Variants in LRRK2 observed in about 807,000 individuals in gnomAD.
LRRK2 encodes leucine rich repeat kinase 2.
A neutral mutation model predicts 302.6 loss-of-function variants in LRRK2; 203 were observed. The ratio of observed to expected loss-of-function variants is 0.67; its 90% CI spans 0.60 to 0.75. The LOEUF is 0.75. Ranked by LOEUF, LRRK2 falls within the 30% of genes least tolerant of loss-of-function variation. LRRK2 has a pLI of 0.00. For missense variants in LRRK2, 2,830 were observed against 2,951.0 expected (o/e 0.96, Z 0.95); for synonymous variants, 1,066 against 1,031.9 (o/e 1.03, Z -0.63).
intron 48 of LRRK2, among the ~76,000 whole-genome samples, chr12:40,363,760 C>T (rs1592349903): frequency 6.6e-6 from 1 of 152,060 alleles, no homozygotes; most frequent in East Asian, 1.9e-4. Flanking sequence ...ACATAATGTG[C>T]ATAGTTTTCT....
intron 18 of LRRK2, among the ~76,000 whole-genome samples, chr12:40,281,451 T>A (rs1395145854): frequency 2.6e-5 from 4 of 152,236 alleles, no homozygotes; most frequent in Non-Finnish European, 1.5e-5. Context: ...TGCACTGCAT[T>A]TATTATAAAT....
Position 40,267,471 on chromosome 12 carries a change from T to TAGA in LRRK2, c.1656+3571_1656+3573dup, listed in dbSNP as rs372961993. On this transcript the variant is annotated intron_variant, in intron 14 of 50. Coordinates refer to ENST00000298910, the MANE Select transcript of LRRK2 (RefSeq NM_198578.4). The stretch of plus-strand genomic sequence containing the variant: ...TGGAAGAGGTACCAAAACAGCCGTA[T>TAGA]AGATAACTGGTTCCAGTTAGCCAAC... Among the ~76,000 whole-genome samples the TAGA allele has an allele frequency of 7.8e-3, 1,184 of 152,306 alleles. 18 individuals carry two copies. The highest frequency in any genetic ancestry group is 0.026 in the African/African-American group (1,089 of 41,560).
chr12:40,287,576 T>C (rs1424795618), intron 20 of LRRK2, 37 bp downstream of exon 20: 1 of 1,590,936 alleles, frequency 6.3e-7, no homozygotes, highest in South Asian at 1.1e-5. Context: ...ATGCTTTATA[T>C]TTACACACTG....
Position 40,308,645 on chromosome 12 carries a change from A to G in LRRK2, c.4138A>G (p.Ile1380Val), listed in dbSNP as rs777837414. ...AGATGTGAAAGACTGGCCTATCCAA[A>G]TAAGAGACAAAAGAAAGAGAGATCT... Reference protein sequence around the residue: ...GIDVKDWPIQIRDKRKRDLVL... With the variant: ...GIDVKDWPIQVRDKRKRDLVL... Residue 1380 changes from isoleucine to valine, a missense_variant, in exon 29 of 51, where the codon ATA becomes GTA. Physicochemically the swap from Ile to Val is conservative, Grantham distance 29. Around this residue, in one of 3 missense-constraint regions of LRRK2, gnomAD observed 2,121 missense variants for 2,148.0 expected, o/e 0.99. Coordinates refer to ENST00000298910, the MANE Select transcript of LRRK2 (RefSeq NM_198578.4). 1 of 1,614,044 alleles carries G rather than the reference A, an allele frequency of 6.2e-7. No individual in the cohort carries two copies. Among genetic ancestry groups the G allele is most frequent in the Non-Finnish European group, 8.5e-7 (1 of 1,179,960 alleles).
At chr12:40,304,356 G>A (rs573803703) in intron 27 of LRRK2, 9 of 582,684 alleles carry the variant, frequency 1.5e-5, no homozygotes, top group African/African-American at 3.8e-5. Context: ...TTCTCACACC[G>A]ACAATTTAAA....
At chr12:40,245,204 C>T (rs1280566041) in intron 7 of LRRK2, among the ~76,000 whole-genome samples, 1 of 151,862 alleles carries the variant, frequency 6.6e-6, no homozygotes, top group African/African-American at 2.4e-5. Context: ...AAATCTTACT[C>T]GTTTGTTAAA....
intron 19 of LRRK2, among the ~76,000 whole-genome samples, chr12:40,285,974 T>C (rs543797253): frequency 2.0e-5 from 3 of 152,236 alleles, no homozygotes; most frequent in African/African-American, 2.4e-5. Flanking sequence ...TTAGATCCCA[T>C]GTTTCATTAC....
At position 40,298,268 on chromosome 12, in the gene LRRK2, A is replaced by G; in HGVS notation, c.3122A>G (p.Asp1041Gly). The change falls in exon 24 of 51, where the codon GAC becomes GGC. Residue 1041 changes from aspartate to glycine, a missense_variant. Asp to Gly is a moderately conservative substitution (Grantham distance 94, BLOSUM62 -1). Around this residue, in one of 3 missense-constraint regions of LRRK2, gnomAD observed 2,121 missense variants for 2,148.0 expected, o/e 0.99. Coordinates refer to ENST00000298910, the MANE Select transcript of LRRK2 (RefSeq NM_198578.4). ...CETLKSLTHL[D>G]LHSNKFTSFP... Reference sequence around the variant, plus strand: ...ACTCTGAAGAGTTTGACACATTTGGACTTGCACAGTAATAAATTTACATCA... The same window carrying G: ...ACTCTGAAGAGTTTGACACATTTGGGCTTGCACAGTAATAAATTTACATCA... 6.2e-7 allele frequency: 1 copy of G among 1,613,624 alleles called. No homozygotes were observed.
intron 45 of LRRK2, among the ~76,000 whole-genome samples, chr12:40,355,650 C>A (rs1328733331): frequency 6.6e-6 from 1 of 151,666 alleles, no homozygotes; most frequent in Non-Finnish European, 1.5e-5. Flanking sequence ...TCAAGCGATT[C>A]TCTAGCCTCA....
At chr12:40,332,950 C>T (rs1415869745) in intron 39 of LRRK2, among the ~76,000 whole-genome samples, 1 of 91,732 alleles carries the variant, frequency 1.1e-5, no homozygotes, top group East Asian at 2.6e-4. Flanking sequence ...GCATAATGTG[C>T]TTCTTCTCTT....
At position 40,363,572 on chromosome 12, in the gene LRRK2, T is replaced by A. The variant is rs763733909; in HGVS notation, c.7181+18T>A. The A allele has an allele frequency of 8.1e-6, 13 of 1,609,100 alleles. No homozygotes were observed. The highest frequency in any genetic ancestry group is 1.1e-5 in the Non-Finnish European group (13 of 1,176,674). ...TTTTTAAGGTAAATTCTGTGGTTTTTAATTTTATTCCCAAAAGAATTATCT... is the reference window on the plus strand; with the variant it reads ...TTTTTAAGGTAAATTCTGTGGTTTTAAATTTTATTCCCAAAAGAATTATCT... On this transcript the variant is annotated intron_variant, in intron 48 of 50. Transcript: ENST00000298910.
At chr12:40,301,438 A>G (rs2136764384) in intron 25 of LRRK2, among the ~76,000 whole-genome samples, 1 of 152,240 alleles carries the variant, frequency 6.6e-6, no homozygotes, top group Middle Eastern at 3.4e-3. Context: ...CAATCAAACA[A>G]TCAATAAATC....
At chr12:40,235,759 A>T in intron 4 of LRRK2, 45 bp downstream of exon 4, 3 of 1,173,570 alleles carry the variant, frequency 2.6e-6, no homozygotes, top group South Asian at 1.2e-5. Context: ...ATTAAAAAAA[A>T]AGTTGATACC....
intron 33 of LRRK2, among the ~76,000 whole-genome samples, chr12:40,318,141 C>T (rs751944991): frequency 1.3e-5 from 2 of 151,986 alleles, no homozygotes; most frequent in South Asian, 4.1e-4. Flanking sequence ...TTTCTGTCCT[C>T]TTAAAGGCTA....
At chr12:40,246,315 T>C (rs1941979426) in intron 7 of LRRK2, among the ~76,000 whole-genome samples, 1 of 151,976 alleles carries the variant, frequency 6.6e-6, no homozygotes, top group Non-Finnish European at 1.5e-5. Flanking sequence ...TTTCTAATAC[T>C]AAGCTACTGT....
intron 2 of LRRK2, among the ~76,000 whole-genome samples, chr12:40,229,581 G>C (rs1467196761): frequency 6.6e-6 from 1 of 152,178 alleles, no homozygotes; most frequent in Non-Finnish European, 1.5e-5. Context: ...CAAAATAAAT[G>C]AAAGTGGCTA....
At chr12:40,307,392 A>G (rs990153221) in intron 28 of LRRK2, among the ~76,000 whole-genome samples, 2 of 152,036 alleles carry the variant, frequency 1.3e-5, no homozygotes, top group African/African-American at 2.4e-5. Flanking sequence ...TATCCATTAT[A>G]TTTTTGATAA....
intron 49 of LRRK2, chr12:40,366,424 A>T (rs1018525717): frequency 2.6e-5 from 4 of 152,338 alleles, no homozygotes; most frequent in African/African-American, 9.7e-5. Context: ...TTTTTCATTA[A>T]TGCTAGTCTC....
chr12:40,277,651 C>T (rs1943516312), intron 16 of LRRK2, among the ~76,000 whole-genome samples: 2 of 152,152 alleles, frequency 1.3e-5, no homozygotes, highest in Non-Finnish European at 2.9e-5. Context: ...TCCTGCTTTG[C>T]TACTGAATGG....
Sources: gnomAD v4.1 joint callset for allele counts (sites outside exome capture counted in the v4.1 genomes callset) on GRCh38, gnomAD v4.1.1 for gene constraint, gnomAD v4.1.1 regional missense constraint, MANE v1.5 for transcripts, NCBI Gene and HGNC (gene_info 2026-07-23, HGNC 2026-07-21) for gene names.